Variants in NAALADL2 observed in about 807,000 individuals in gnomAD.
NAALADL2 encodes the protein inactive N-acetylated-alpha-linked acidic dipeptidase-like protein 2.
A neutral mutation model predicts 87.2 loss-of-function variants in NAALADL2; 76 were observed. The observed-to-expected ratio is 0.87, with a 90% CI of 0.72 to 1.05. NAALADL2 has a LOEUF of 1.05. Among genes scored for constraint, NAALADL2 ranks in the 50% least tolerant of loss-of-function variants. The pLI, the probability that NAALADL2 is intolerant of heterozygous loss-of-function variation, is 0.00. For synonymous variants in NAALADL2, 354 were observed against 331.0 expected, an observed-to-expected ratio of 1.07 and a Z score of -0.75; for missense variants, 1,089 against 945.8, an observed-to-expected ratio of 1.15 and a Z score of -1.99.
In NAALADL2 at chr3:175,115,507, T is replaced by G. The variant is rs111590468; in HGVS notation, c.545+18216T>G. ...ATTTGCAAATAGCAGATAACGTGTA[T>G]CCTAATAATACTTTCTTACCCAATT... On this transcript the variant is annotated intron_variant, in intron 2 of 13. Transcript: ENST00000454872. Among the ~76,000 whole-genome samples, 1,077 of 151,784 alleles carry G rather than the reference T, an allele frequency of 7.1e-3. 20 individuals are homozygous for G. The highest frequency in any genetic ancestry group is 0.025 in the African/African-American group (1,040 of 41,486).
chr3:175,633,740 A>G (rs1728130032), intron 11 of NAALADL2, among the ~76,000 whole-genome samples: 1 of 151,848 alleles, frequency 6.6e-6, no homozygotes, highest in African/African-American at 2.4e-5. Context: ...ATGTTCAGAG[A>G]AAAAAATTCC....
chr3:175,133,448 A>T (rs1193955399), intron 2 of NAALADL2, among the ~76,000 whole-genome samples: 1 of 152,206 alleles, frequency 6.6e-6, no homozygotes, highest in Non-Finnish European at 1.5e-5. Flanking sequence ...CACTGAGTGA[A>T]CCAGACTCCG....
chr3:175,240,783 G>A (rs1020531825), intron 3 of NAALADL2, among the ~76,000 whole-genome samples: 1 of 152,170 alleles, frequency 6.6e-6, no homozygotes, highest in African/African-American at 2.4e-5. Context: ...AGCCTCCCGA[G>A]TAGCTGGGAT....
At position 175,199,850 on chromosome 3, in the gene NAALADL2, ATATATATATATATATTTTTTTTTTTTTTT is replaced by A. The variant is rs1350172471; in HGVS notation, c.546-34079_546-34051del. Among the ~76,000 whole-genome samples the A allele has an allele frequency of 7.4e-3, 132 of 17,790 alleles. 6 individuals are homozygous for A. Among genetic ancestry groups the A allele is most frequent in the Non-Finnish European group, 9.3e-3 (101 of 10,812 alleles). The allele number at this position is 17,790 out of a possible 152,430, so 11.7% of individuals were successfully genotyped here. ...TATATATATATATATATATATATAT[ATATATATATATATATTTTTTTTTTTTTTT>A]TTTTTTTTTTTTTCCTTAGTCCATC... On this transcript the variant is annotated intron_variant, in intron 2 of 13. Coordinates refer to ENST00000454872, the MANE Select transcript of NAALADL2 (RefSeq NM_207015.3).
At chr3:175,013,045 A>G (rs1186656420) in intron 1 of NAALADL2, among the ~76,000 whole-genome samples, 1 of 53,128 alleles carries the variant, frequency 1.9e-5, no homozygotes, top group Non-Finnish European at 5.0e-5. Context: ...TATATAATAT[A>G]TACATAAATA....
intron 3 of NAALADL2, among the ~76,000 whole-genome samples, chr3:174,776,598 C>A (rs140062228): frequency 3.9e-5 from 6 of 152,230 alleles, no homozygotes; most frequent in African/African-American, 1.4e-4. Context: ...ACTTAGAAAA[C>A]TACATATTCA....
intron 1 of NAALADL2, among the ~76,000 whole-genome samples, chr3:175,063,811 C>T (rs1211850959): frequency 2.6e-5 from 4 of 152,018 alleles, no homozygotes; most frequent in Non-Finnish European, 2.9e-5. Flanking sequence ...ATTTGTTCCT[C>T]AAGCTTTTTA....
chr3:174,512,745 G>T (rs575208226), intron 1 of NAALADL2, among the ~76,000 whole-genome samples: 2 of 152,110 alleles, frequency 1.3e-5, no homozygotes, highest in South Asian at 4.2e-4. Flanking sequence ...ACCTCTTGGA[G>T]ACTGCATGGG....
intron 9 of NAALADL2, among the ~76,000 whole-genome samples, chr3:175,529,167 A>G (rs889384823): frequency 1.3e-5 from 2 of 152,030 alleles, no homozygotes; most frequent in Non-Finnish European, 2.9e-5. Flanking sequence ...ACTCTTCCTT[A>G]CCTCTGTTGT....
At chr3:175,287,463 T>C (rs189790156) in intron 4 of NAALADL2, among the ~76,000 whole-genome samples, 2 of 152,240 alleles carry the variant, frequency 1.3e-5, no homozygotes, top group Admixed American at 1.3e-4. Flanking sequence ...TCAGTAACCC[T>C]CATAACAACC....
intron 3 of NAALADL2, among the ~76,000 whole-genome samples, chr3:175,251,340 T>C (rs1029556884): frequency 1.3e-5 from 2 of 152,202 alleles, no homozygotes; most frequent in Non-Finnish European, 2.9e-5. Flanking sequence ...AAAATTAACA[T>C]GTAGACTTTT....
At chr3:174,718,069 C>T (rs1300307906) in intron 2 of NAALADL2, among the ~76,000 whole-genome samples, 1 of 152,080 alleles carries the variant, frequency 6.6e-6, no homozygotes, top group African/African-American at 2.4e-5. Flanking sequence ...GTGGAGGTTG[C>T]AGTGAGCGCT....
chr3:174,944,718 G>T (rs1176442854), intron 1 of NAALADL2, among the ~76,000 whole-genome samples: 1 of 152,184 alleles, frequency 6.6e-6, no homozygotes, highest in Admixed American at 6.5e-5. Context: ...ACATAGCTCT[G>T]TGTGTCAGAC....
chr3:174,964,058 C>T (rs562720616), intron 1 of NAALADL2, among the ~76,000 whole-genome samples: 90 of 151,794 alleles, frequency 5.9e-4, no homozygotes, highest in African/African-American at 2.1e-3. Context: ...CTGTATGAGA[C>T]TTTAAAATGA....
chr3:175,204,842 C>T (rs1740581382), intron 2 of NAALADL2, among the ~76,000 whole-genome samples: 1 of 151,932 alleles, frequency 6.6e-6, no homozygotes, highest in African/African-American at 2.4e-5. Flanking sequence ...ACCCCTTTTA[C>T]AAGAGCTGCA....
chr3:174,674,012 T>C (rs1464659345), intron 2 of NAALADL2, among the ~76,000 whole-genome samples: 1 of 152,026 alleles, frequency 6.6e-6, no homozygotes, highest in Non-Finnish European at 1.5e-5. Context: ...TTGGACAGTT[T>C]AGGAAGAGAA....
chr3:175,634,077 C>A (rs1269879700), intron 11 of NAALADL2, among the ~76,000 whole-genome samples: 2 of 151,604 alleles, frequency 1.3e-5, no homozygotes, highest in Non-Finnish European at 3.0e-5. Context: ...GTTATATTTT[C>A]CCTTACTTTA....
chr3:175,759,090 T>G (rs904932837), intron 13 of NAALADL2, among the ~76,000 whole-genome samples: 2 of 152,116 alleles, frequency 1.3e-5, no homozygotes, highest in Non-Finnish European at 2.9e-5. Flanking sequence ...GATTCAAAAT[T>G]TTGAATCCTA....
intron 3 of NAALADL2, among the ~76,000 whole-genome samples, chr3:174,845,104 G>A (rs1456258991): frequency 2.0e-5 from 3 of 152,132 alleles, no homozygotes; most frequent in Non-Finnish European, 4.4e-5. Flanking sequence ...ATCCAGAAGA[G>A]AGAAGATACA....
Sources: gnomAD v4.1 joint callset for allele counts (sites outside exome capture counted in the v4.1 genomes callset) on GRCh38, gnomAD v4.1.1 for gene constraint, MANE v1.5 for transcripts, NCBI Gene and HGNC (gene_info 2026-07-23, HGNC 2026-07-21) for gene names.